CDK14: variants seen among roughly 807,000 people sequenced by gnomAD.
CDK14 encodes the protein cyclin dependent kinase 14.
Under a neutral mutation model 60.7 loss-of-function variants are expected in CDK14, and 34 were observed. The ratio of observed to expected loss-of-function variants is 0.56; its 90% CI spans 0.43 to 0.75. The LOEUF is 0.75. Ranked by LOEUF, CDK14 falls within the 30% of genes least tolerant of loss-of-function variation. CDK14 has a pLI of 0.00. For synonymous variants in CDK14, 197 were observed against 203.7 expected, an observed-to-expected ratio of 0.97 and a Z score of 0.28; for missense variants, 482 against 564.1, an observed-to-expected ratio of 0.85 and a Z score of 1.47.
intron 11 of CDK14, among the ~76,000 whole-genome samples, chr7:91,070,794 A>T (rs1161704627): frequency 1.3e-5 from 2 of 151,996 alleles, no homozygotes; most frequent in Non-Finnish European, 2.9e-5. Context: ...AAAAAGAGAA[A>T]GAAATGTTCA....
At chr7:90,868,750 T>C (rs1791274908) in intron 6 of CDK14, among the ~76,000 whole-genome samples, 1 of 152,160 alleles carries the variant, frequency 6.6e-6, no homozygotes, top group Non-Finnish European at 1.5e-5. Context: ...CTTTGAGTTG[T>C]AGGTAGCATG....
At chr7:91,169,479 C>A (rs1056856320) in intron 14 of CDK14, among the ~76,000 whole-genome samples, 2 of 152,126 alleles carry the variant, frequency 1.3e-5, no homozygotes, top group African/African-American at 4.8e-5. Flanking sequence ...TTTTTTTAAA[C>A]TGAATTTGCA....
intron 3 of CDK14, among the ~76,000 whole-genome samples, chr7:90,740,268 T>TAGGGAG (rs72006322): frequency 1.4e-5 from 2 of 143,036 alleles, no homozygotes; most frequent in Non-Finnish European, 3.0e-5. Context: ...TATATATATA[T>TAGGGAG]ATAGAGAGAG....
intron 7 of CDK14, 114 bp downstream of exon 7, chr7:90,899,467 G>A (rs1792434386): frequency 1.2e-5 from 8 of 664,934 alleles, no homozygotes; most frequent in Non-Finnish European, 1.9e-5. Flanking sequence ...TTTGTGTAAA[G>A]AGAAGGGATA....
intron 2 of CDK14, among the ~76,000 whole-genome samples, chr7:90,713,718 T>G (rs547389567): frequency 1.3e-5 from 2 of 151,688 alleles, no homozygotes; most frequent in African/African-American, 4.8e-5. Flanking sequence ...TTTACTTCTC[T>G]CATGATGTAA....
chr7:90,753,609 TA>T (rs1803935343), intron 4 of CDK14, among the ~76,000 whole-genome samples: 1 of 152,134 alleles, frequency 6.6e-6, no homozygotes, highest in Non-Finnish European at 1.5e-5. Context: ...CCGCTCCTAT[TA>T]AAACATAGTA....
chr7:90,902,818 A>G (rs896262488), intron 7 of CDK14, among the ~76,000 whole-genome samples: 2 of 152,152 alleles, frequency 1.3e-5, no homozygotes, highest in Non-Finnish European at 2.9e-5. Flanking sequence ...GTTGAATGGA[A>G]GAAAATATTT....
chr7:90,805,950 T>C (rs1226760349), intron 5 of CDK14, among the ~76,000 whole-genome samples: 1 of 152,198 alleles, frequency 6.6e-6, no homozygotes, highest in Non-Finnish European at 1.5e-5. Flanking sequence ...AATAAACATA[T>C]TGATTCACAG....
At chr7:91,059,532 G>A (rs1046740676) in intron 11 of CDK14, among the ~76,000 whole-genome samples, 1 of 151,974 alleles carries the variant, frequency 6.6e-6, no homozygotes, top group Non-Finnish European at 1.5e-5. Context: ...ACTTTCTCTT[G>A]TGGGCATTTA....
At chr7:91,139,002 A>G (rs1172199570) in intron 14 of CDK14, among the ~76,000 whole-genome samples, 1 of 152,284 alleles carries the variant, frequency 6.6e-6, no homozygotes, top group Admixed American at 6.5e-5. Context: ...AGCAGACATC[A>G]TTCGAGGTCA....
chr7:90,638,614 G>C (rs1007767922), intron 2 of CDK14, among the ~76,000 whole-genome samples: 12 of 152,118 alleles, frequency 7.9e-5, no homozygotes, highest in Non-Finnish European at 1.5e-4. Context: ...GTGTCTTGGA[G>C]TTGCTCTTCT....
chr7:90,832,761 A>C (rs1431925347), intron 5 of CDK14, among the ~76,000 whole-genome samples: 2 of 152,202 alleles, frequency 1.3e-5, no homozygotes, highest in African/African-American at 2.4e-5. Flanking sequence ...CAGGTTTAAT[A>C]AAAATACTTT....
chr7:90,711,371 A>C (rs1802052948), intron 2 of CDK14, among the ~76,000 whole-genome samples: 1 of 150,704 alleles, frequency 6.6e-6, no homozygotes, highest in South Asian at 2.1e-4. Flanking sequence ...TTTTTTTTAA[A>C]CTTTTTTTTT....
intron 2 of CDK14, among the ~76,000 whole-genome samples, chr7:90,708,812 T>A (rs558006371): frequency 6.6e-6 from 1 of 152,294 alleles, no homozygotes; most frequent in African/African-American, 2.4e-5. Context: ...ATGCCTTTTT[T>A]ATTTCTTGCC....
At chr7:90,784,583 G>T (rs1805488624) in intron 4 of CDK14, among the ~76,000 whole-genome samples, 1 of 152,122 alleles carries the variant, frequency 6.6e-6, no homozygotes, top group Admixed American at 6.6e-5. Flanking sequence ...ATTAATTTAA[G>T]ACAAACTAGT....
chr7:91,121,197 A>C (rs1269337260), intron 14 of CDK14, among the ~76,000 whole-genome samples: 1 of 152,100 alleles, frequency 6.6e-6, no homozygotes, highest in Non-Finnish European at 1.5e-5. Flanking sequence ...TTAGACTTTG[A>C]TTTTGCGTTG....
chr7:90,853,523 CAA>C (rs746203435), intron 5 of CDK14, among the ~76,000 whole-genome samples: 77 of 83,844 alleles, frequency 9.2e-4, no homozygotes, highest in African/African-American at 1.2e-3. Context: ...CGTAAACACA[CAA>C]ACACACACAC....
At chr7:91,045,999 T>C (rs775197610) in intron 11 of CDK14, 39 bp downstream of exon 11, 6 of 1,321,740 alleles carry the variant, frequency 4.5e-6, no homozygotes, top group Middle Eastern at 3.6e-4. Context: ...GTGCTTCCTA[T>C]ATGCAAAAGG....
chr7:91,039,003 T>G (rs1430492684), intron 10 of CDK14, among the ~76,000 whole-genome samples: 2 of 152,172 alleles, frequency 1.3e-5, no homozygotes, highest in Non-Finnish European at 2.9e-5. Context: ...ACAGGGGTGT[T>G]CCCAGAAGAC....
Sources: allele counts gnomAD v4.1 joint callset (sites outside exome capture counted in the v4.1 genomes callset), GRCh38; gene constraint gnomAD v4.1.1; transcripts MANE v1.5; gene names NCBI Gene and HGNC (gene_info 2026-07-23, HGNC 2026-07-21).